Variants in PLCL1 observed in about 807,000 individuals in gnomAD.
PLCL1 encodes inactive phospholipase C-like protein 1.
PLCL1 carries 41 observed loss-of-function variants against 84.4 expected under a neutral mutation model. The ratio of observed to expected loss-of-function variants is 0.49; its 90% CI spans 0.38 to 0.63. The LOEUF is 0.63. Ranked by LOEUF, PLCL1 falls within the 30% of genes least tolerant of loss-of-function variation. The pLI, the probability that PLCL1 is intolerant of heterozygous loss-of-function variation, is 0.00. For synonymous variants in PLCL1, 490 were observed against 488.3 expected, an observed-to-expected ratio of 1.00 and a Z score of -0.05; for missense variants, 1,206 against 1,367.8, an observed-to-expected ratio of 0.88 and a Z score of 1.87.
chr2:197,960,773 T>C (rs574038217), intron 1 of PLCL1, among the ~76,000 whole-genome samples: 1 of 152,198 alleles, frequency 6.6e-6, no homozygotes, highest in African/African-American at 2.4e-5. Flanking sequence ...AAATTGTCAT[T>C]AGGGAATTGA....
At chr2:197,821,940 G>A (rs1690825569) in intron 1 of PLCL1, among the ~76,000 whole-genome samples, 1 of 152,102 alleles carries the variant, frequency 6.6e-6, no homozygotes, top group Non-Finnish European at 1.5e-5. Flanking sequence ...CTGTTTTGGG[G>A]TTCACATTGT....
At chr2:197,833,900 A>G (rs952539720) in intron 1 of PLCL1, among the ~76,000 whole-genome samples, 14 of 152,236 alleles carry the variant, frequency 9.2e-5, no homozygotes, top group Non-Finnish European at 1.6e-4. Flanking sequence ...GCATCATGCT[A>G]CCTGACTTCA....
chr2:198,148,218 C>T lies in PLCL1; in HGVS notation c.*1256C>T, dbSNP rs956820056. 2.0e-5 allele frequency: 3 copies of T among 152,130 alleles called. No individual in the cohort carries two copies. Among genetic ancestry groups the T allele is most frequent in the Admixed American group, 6.6e-5 (1 of 15,260 alleles). The allele number at this position is 152,130 out of a possible 1,614,324, so 9.4% of individuals were successfully genotyped here. On this transcript the variant is annotated 3_prime_UTR_variant, in exon 6 of 6. Coordinates refer to ENST00000428675, the MANE Select transcript of PLCL1 (RefSeq NM_006226.4). ...AAGAATATATTTATTTAAAGCATTG[C>T]TTTTATTTTGAAAAGCTTCTTAATT...
intron 1 of PLCL1, among the ~76,000 whole-genome samples, chr2:197,867,754 T>A (rs1016352899): frequency 6.6e-6 from 1 of 152,144 alleles, no homozygotes; most frequent in Non-Finnish European, 1.5e-5. Context: ...TCATCTTGCC[T>A]ACTCTGCTCC....
At chr2:198,030,382 A>T (rs1691382501) in intron 1 of PLCL1, among the ~76,000 whole-genome samples, 1 of 152,162 alleles carries the variant, frequency 6.6e-6, no homozygotes, top group Non-Finnish European at 1.5e-5. Context: ...GTGTCACCTC[A>T]CACTGTCACC....
At chr2:198,141,421 C>T (rs1694383631) in intron 5 of PLCL1, among the ~76,000 whole-genome samples, 1 of 147,038 alleles carries the variant, frequency 6.8e-6, no homozygotes, top group African/African-American at 2.6e-5. Flanking sequence ...TCCAGGCCAT[C>T]TTTGAATAGT....
intron 1 of PLCL1, among the ~76,000 whole-genome samples, chr2:198,017,782 CAA>C (rs1477631814): frequency 6.6e-6 from 1 of 152,168 alleles, no homozygotes; most frequent in Non-Finnish European, 1.5e-5. Flanking sequence ...TATTTTTCAG[CAA>C]GTTTACATGT....
intron 3 of PLCL1, among the ~76,000 whole-genome samples, chr2:198,092,069 T>TTCTCCCAACCTCACCTGCC (rs1693057844): frequency 2.6e-5 from 4 of 151,002 alleles, no homozygotes; most frequent in Non-Finnish European, 5.9e-5. Flanking sequence ...CCTCACCTGC[T>TTCTCCCAACCTCACCTGCC]TCTCCCAACC....
intron 1 of PLCL1, among the ~76,000 whole-genome samples, chr2:198,066,099 AG>A: frequency 6.6e-6 from 1 of 152,144 alleles, no homozygotes; most frequent in Non-Finnish European, 1.5e-5. Context: ...CTCCTTTGTT[AG>A]CTTTTCTCCT....
At chr2:198,131,077 G>A (rs1416406830) in intron 5 of PLCL1, among the ~76,000 whole-genome samples, 1 of 152,048 alleles carries the variant, frequency 6.6e-6, no homozygotes, top group Non-Finnish European at 1.5e-5. Flanking sequence ...CACTACTCCA[G>A]CCACATGGAA....
At chr2:198,067,018 A>T (rs538295159) in intron 1 of PLCL1, among the ~76,000 whole-genome samples, 1 of 152,266 alleles carries the variant, frequency 6.6e-6, no homozygotes, top group South Asian at 2.1e-4. Flanking sequence ...CTATATATCC[A>T]GCTCAGTGCT....
At position 197,936,439 on chromosome 2, in the gene PLCL1, A is replaced by G. The variant is rs546682753; in HGVS notation, c.240+131100A>G. Among the ~76,000 whole-genome samples, 141 of 152,114 alleles carry G rather than the reference A, an allele frequency of 9.3e-4. 1 individual carries two copies. The highest frequency in any genetic ancestry group is 3.3e-3 in the African/African-American group (138 of 41,524). On this transcript the variant is annotated intron_variant, in intron 1 of 5. Coordinates refer to ENST00000428675, the MANE Select transcript of PLCL1 (RefSeq NM_006226.4). Reference sequence around the variant, plus strand: ...TTCCAGCACTTATCTGTTGACAATAACTATTCTAATGGGCATGAGGTAATA... The same window carrying G: ...TTCCAGCACTTATCTGTTGACAATAGCTATTCTAATGGGCATGAGGTAATA...
At chr2:198,043,664 G>A (rs1208265119) in intron 1 of PLCL1, among the ~76,000 whole-genome samples, 1 of 152,168 alleles carries the variant, frequency 6.6e-6, no homozygotes, top group Non-Finnish European at 1.5e-5. Context: ...TGCTCCTGGA[G>A]AGGGAGGAGA....
At chr2:198,044,146 T>C (rs1691733425) in intron 1 of PLCL1, among the ~76,000 whole-genome samples, 1 of 152,148 alleles carries the variant, frequency 6.6e-6, no homozygotes, top group African/African-American at 2.4e-5. Context: ...ATGTACTGAG[T>C]TTTATCTCAC....
chr2:198,144,567 T>A (rs1178624358), intron 5 of PLCL1, among the ~76,000 whole-genome samples: 1 of 152,170 alleles, frequency 6.6e-6, no homozygotes, highest in Non-Finnish European at 1.5e-5. Flanking sequence ...ATCATTTAAA[T>A]CATAAAGAGC....
At chr2:198,127,755 T>C (rs897894261) in intron 5 of PLCL1, among the ~76,000 whole-genome samples, 22 of 152,160 alleles carry the variant, frequency 1.4e-4, no homozygotes, top group Admixed American at 1.3e-4. Context: ...ATAAACCACA[T>C]GGTTTTAGAA....
chr2:197,905,600 G>A (rs1011131634), intron 1 of PLCL1, among the ~76,000 whole-genome samples: 2 of 152,268 alleles, frequency 1.3e-5, no homozygotes, highest in Middle Eastern at 3.4e-3. Context: ...ATAATCCTTT[G>A]GGTATATACC....
chr2:198,050,219 C>G (rs1330448979), intron 1 of PLCL1, among the ~76,000 whole-genome samples: 1 of 152,028 alleles, frequency 6.6e-6, no homozygotes, highest in Non-Finnish European at 1.5e-5. Flanking sequence ...CTGCCGAGGC[C>G]TGTTTTTTTT....
At chr2:198,128,723 T>C (rs1037358960) in intron 5 of PLCL1, among the ~76,000 whole-genome samples, 1 of 152,144 alleles carries the variant, frequency 6.6e-6, no homozygotes, top group Non-Finnish European at 1.5e-5. Context: ...TGGCTACTGT[T>C]AGTAGTCAAG....
Sources: allele counts gnomAD v4.1 joint callset (sites outside exome capture counted in the v4.1 genomes callset), GRCh38; gene constraint gnomAD v4.1.1; transcripts MANE v1.5; gene names NCBI Gene and HGNC (gene_info 2026-07-23, HGNC 2026-07-21).